The following ARHGAP44 variants were observed in gnomAD, a reference collection of about 807,000 sequenced individuals.
ARHGAP44 encodes the protein rho GTPase-activating protein 44.
ARHGAP44 carries 43 observed loss-of-function variants against 106.8 expected under a neutral mutation model. The observed-to-expected ratio is 0.40, with a 90% CI of 0.32 to 0.52. The LOEUF (loss-of-function observed/expected upper bound fraction) is 0.52. ARHGAP44 is among the 20% of genes least tolerant of loss of function. The pLI is 0.48. For missense variants in ARHGAP44, 866 were observed against 1,050.5 expected (o/e 0.82, Z 2.43); for synonymous variants, 439 against 410.3 (o/e 1.07, Z -0.85).
rs76589096 is a variant in ARHGAP44, at chr17:12,876,419, C to T, written c.54-18521C>T. 8.8e-4 allele frequency among the ~76,000 whole-genome samples: 134 copies of T among 152,208 alleles called. 1 individual carries two copies. In the East Asian group the frequency reaches 0.025, roughly 28 times the overall value. ...GATCTGTGAGTATAAACTTGACAGT[C>T]GTGTTCATCTCTGTGTGTCTTACCA... On this transcript the variant is annotated intron_variant, in intron 1 of 20. Coordinates refer to ENST00000379672, the MANE Select transcript of ARHGAP44 (RefSeq NM_014859.6).
Position 12,810,849 on chromosome 17 carries a change from G to A in ARHGAP44, c.53+20958G>A, listed in dbSNP as rs370003705. ...AGGGAGACCAACCCCTTGTGCAGTC[G>A]AAAATCCAGGTGTAACTTTTGACCA... On this transcript the variant is annotated intron_variant, in intron 1 of 20. Coordinates refer to ENST00000379672, the MANE Select transcript of ARHGAP44 (RefSeq NM_014859.6). Among the ~76,000 whole-genome samples the A allele has an allele frequency of 3.5e-4, 54 of 152,220 alleles. No individual in the cohort carries two copies. In the East Asian group the frequency reaches 5.2e-3, roughly 15 times the overall value.
intron 1 of ARHGAP44, among the ~76,000 whole-genome samples, chr17:12,820,535 T>A (rs966842573): frequency 2.0e-5 from 3 of 152,166 alleles, no homozygotes; most frequent in Non-Finnish European, 2.9e-5. Flanking sequence ...GTCTGTACTG[T>A]GTTCCTGGCA....
rs558028085 is a variant in ARHGAP44 at position 12,883,069 on chromosome 17, T to G, written c.54-11871T>G. Among the ~76,000 whole-genome samples, 31 of 152,048 alleles carry G rather than the reference T, an allele frequency of 2.0e-4. No individual in the cohort carries two copies. The South Asian group carries it at 6.4e-3, about 31-fold the overall frequency. On this transcript the variant is annotated intron_variant, in intron 1 of 20. Coordinates refer to ENST00000379672, the MANE Select transcript of ARHGAP44 (RefSeq NM_014859.6). Reference sequence around the variant, plus strand: ...GTTTTCTTTTTGGAATGATGTTTAATTACTGGTTTAATTTCTTTGATATTT... The same window carrying G: ...GTTTTCTTTTTGGAATGATGTTTAAGTACTGGTTTAATTTCTTTGATATTT...
At chr17:12,820,414 T>C (rs944017128) in intron 1 of ARHGAP44, among the ~76,000 whole-genome samples, 1 of 152,058 alleles carries the variant, frequency 6.6e-6, no homozygotes, top group African/African-American at 2.4e-5. Context: ...AGAAAAAAAA[T>C]TACCAGTTAT....
chr17:12,910,260 CTTTTT>C (rs71369352), intron 4 of ARHGAP44, among the ~76,000 whole-genome samples: 1 of 132,880 alleles, frequency 7.5e-6, no homozygotes, highest in Admixed American at 7.6e-5. Context: ...GGGGAGGAAA[CTTTTT>C]TTTTTTTTTT....
intron 20 of ARHGAP44, among the ~76,000 whole-genome samples, chr17:12,989,101 C>CGAAAAAAGAAAAAAAAA (rs1598173210): frequency 2.2e-5 from 1 of 45,158 alleles, no homozygotes; most frequent in African/African-American, 8.5e-5. Context: ...CCACCCCCCC[C>CGAAAAAAGAAAAAAAAA]AAAAAAAAAA....
chr17:12,847,800 C>T (rs185150458), intron 1 of ARHGAP44, among the ~76,000 whole-genome samples: 3,172 of 152,212 alleles, frequency 0.021, 48 homozygotes, highest in Admixed American at 0.033. Flanking sequence ...CCACCGCGCC[C>T]GGCCCATCAC....
At chr17:12,805,565 T>TAAAGA (rs199988200) in intron 1 of ARHGAP44, among the ~76,000 whole-genome samples, 26,968 of 152,180 alleles carry the variant, frequency 0.18, 4,005 homozygotes, top group African/African-American at 0.4. Context: ...TAGTGTATTG[T>TAAAGA]CTTTATCTCC....
chr17:12,808,434 A>G (rs1332921604), intron 1 of ARHGAP44, among the ~76,000 whole-genome samples: 3 of 152,222 alleles, frequency 2.0e-5, no homozygotes, highest in African/African-American at 7.2e-5. Context: ...GCATTTCCAT[A>G]CATCCTCTGA....
intron 1 of ARHGAP44, among the ~76,000 whole-genome samples, chr17:12,860,109 C>G (rs1168156498): frequency 6.6e-6 from 1 of 152,104 alleles, no homozygotes; most frequent in Non-Finnish European, 1.5e-5. Flanking sequence ...AAGTGAGTTA[C>G]TTGTTACCTC....
At chr17:12,909,955 A>ACTAT (rs1417903211) in intron 4 of ARHGAP44, among the ~76,000 whole-genome samples, 2 of 152,244 alleles carry the variant, frequency 1.3e-5, no homozygotes, top group Non-Finnish European at 2.9e-5. Context: ...AAAGATCATT[A>ACTAT]CTATAAAATA....
rs1339784256 is a variant in ARHGAP44, at chr17:12,944,076, G to T, written c.741G>T (p.Trp247Cys). Residue 247 changes from tryptophan to cysteine, a missense_variant, in exon 10 of 21, where the codon TGG becomes TGT. Trp to Cys is a radical substitution (Grantham distance 215). This residue lies in a region of ARHGAP44 where 448 missense variants were observed against 646.9 expected (regional missense o/e 0.69). Coordinates refer to ENST00000379672, the MANE Select transcript of ARHGAP44 (RefSeq NM_014859.6). ...TCTCACTCCTCCCCTCAGAGGCCTG[G>T]GTAGAGAAGCCTTCCTTCGGGAAGC... ...LPQIKAQQEA[W>C]VEKPSFGKPL... is the part of the protein sequence containing the mutation. 1.4e-5 allele frequency: 23 copies of T among 1,610,636 alleles called. No homozygotes were observed. The highest frequency in any genetic ancestry group is 1.8e-5 in the Non-Finnish European group (21 of 1,178,190).
At chr17:12,952,994 G>A (rs960868081) in intron 13 of ARHGAP44, among the ~76,000 whole-genome samples, 5 of 152,056 alleles carry the variant, frequency 3.3e-5, no homozygotes, top group African/African-American at 1.2e-4. Flanking sequence ...TCAAAGAAGC[G>A]AACCATTGGC....
chr17:12,929,662 A>G (rs882653), intron 7 of ARHGAP44, among the ~76,000 whole-genome samples: 65,776 of 152,114 alleles, frequency 0.43, 15,170 homozygotes, highest in African/African-American at 0.59. Flanking sequence ...AATATTTCAC[A>G]GGACTTAGGT....
chr17:12,956,843 C>CA (rs1430294446), intron 15 of ARHGAP44, 97 bp downstream of exon 15: 57 of 792,828 alleles, frequency 7.2e-5, no homozygotes, highest in Non-Finnish European at 1.0e-4. Context: ...TGCCCACAGG[C>CA]TTTTTTTTTT....
chr17:12,949,521 C>G lies in ARHGAP44; in HGVS notation c.974-128C>G, dbSNP rs939695996. The G allele has an allele frequency of 3.5e-6, 3 of 851,816 alleles. No individual in the cohort carries two copies. The African/African-American group carries it at 5.1e-5, about 14-fold the overall frequency. 52.8% of individuals were successfully genotyped at this position (851,816 alleles called of 1,614,324 possible). On this transcript the variant is annotated intron_variant, in intron 11 of 20. Transcript: ENST00000379672. This position sits in a 1 kb window ranked among gnomAD's most constrained non-coding sequence, Gnocchi z 4.1. ...TCATACCCATTTCCATAGGAAGCTA[C>G]CATTTGCTGTTGACATGGTGGTCAG...
intron 18 of ARHGAP44, 51 bp downstream of exon 18, chr17:12,974,361 T>C: frequency 7.5e-7 from 1 of 1,333,150 alleles, no homozygotes; most frequent in African/African-American, 1.6e-5. Context: ...GTGCAGGGGG[T>C]GTCTGGGTTG....
intron 18 of ARHGAP44, 40 bp from the exon 19 acceptor site, chr17:12,980,018 G>C (rs756626326): frequency 1.3e-6 from 2 of 1,564,236 alleles, no homozygotes; most frequent in African/African-American, 2.7e-5. Flanking sequence ...CGCTCACTGA[G>C]TTCAGGGCTT....
At position 12,949,547 on chromosome 17, in the gene ARHGAP44, G is replaced by A. The variant is rs887943524; in HGVS notation, c.974-102G>A. On this transcript the variant is annotated intron_variant, in intron 11 of 20. Transcript: ENST00000379672. This position sits in a 1 kb window ranked among gnomAD's most constrained non-coding sequence, Gnocchi z 4.1. The stretch of plus-strand genomic sequence containing the variant: ...CATTTGCTGTTGACATGGTGGTCAG[G>A]AGGCCCATCCCCAGATGGAACCCAC... 47 of 1,081,510 alleles carry A rather than the reference G, an allele frequency of 4.3e-5. No homozygotes were observed. The highest frequency in any genetic ancestry group is 2.1e-4 in the Middle Eastern group (1 of 4,834). 67.0% of individuals were successfully genotyped at this position (1,081,510 alleles called of 1,614,324 possible).
Sources: allele counts gnomAD v4.1 joint callset (sites outside exome capture counted in the v4.1 genomes callset), GRCh38; gene constraint gnomAD v4.1.1; regional missense constraint gnomAD v4.1.1; non-coding constraint Gnocchi (gnomAD v3.1); transcripts MANE v1.5; gene names NCBI Gene and HGNC (gene_info 2026-07-23, HGNC 2026-07-21).